The following DYNC1I1 variants were observed in gnomAD, a reference collection of about 807,000 sequenced individuals.
The protein encoded by DYNC1I1 is cytoplasmic dynein 1 intermediate chain 1.
A neutral mutation model predicts 86.6 loss-of-function variants in DYNC1I1; 43 were observed. The ratio of observed to expected loss-of-function variants is 0.50; its 90% CI spans 0.39 to 0.64. The LOEUF (loss-of-function observed/expected upper bound fraction) is 0.64. Ranked by LOEUF, DYNC1I1 falls within the 30% of genes least tolerant of loss-of-function variation. The pLI, the probability that DYNC1I1 is intolerant of heterozygous loss-of-function variation, is 0.00. For synonymous variants in DYNC1I1, 262 were observed against 283.7 expected (o/e 0.92, Z 0.77); for missense variants, 604 against 788.8 (o/e 0.77, Z 2.81).
chr7:95,805,703 T>C (rs549750716), intron 2 of DYNC1I1, among the ~76,000 whole-genome samples: 1 of 152,300 alleles, frequency 6.6e-6, no homozygotes, highest in East Asian at 1.9e-4. Context: ...AGCCCACATC[T>C]TATACAAAAA....
At chr7:95,775,654 G>A (rs550922257) in intron 1 of DYNC1I1, among the ~76,000 whole-genome samples, 1 of 152,264 alleles carries the variant, frequency 6.6e-6, no homozygotes, top group African/African-American at 2.4e-5. Flanking sequence ...TAGACCCATG[G>A]CCCCTTAAAA....
At chr7:95,966,316 T>C (rs1321488266) in intron 6 of DYNC1I1, among the ~76,000 whole-genome samples, 1 of 152,194 alleles carries the variant, frequency 6.6e-6, no homozygotes, top group Non-Finnish European at 1.5e-5. Context: ...ATATGGTCAT[T>C]TTACTGATAG....
intron 10 of DYNC1I1, among the ~76,000 whole-genome samples, chr7:96,020,242 G>A (rs1034499800): frequency 2.6e-4 from 39 of 152,148 alleles, no homozygotes; most frequent in Non-Finnish European, 3.7e-4. Flanking sequence ...ACATACCCGA[G>A]ACTGGGAAAT....
chr7:95,785,775 G>GTGTA (rs1317168531), intron 1 of DYNC1I1, among the ~76,000 whole-genome samples: 30 of 124,888 alleles, frequency 2.4e-4, no homozygotes, highest in Admixed American at 1.0e-3. Context: ...GTGTGTATGT[G>GTGTA]TATATATATA....
At chr7:95,785,775 G>GTATGTA (rs55666459) in intron 1 of DYNC1I1, among the ~76,000 whole-genome samples, 2,143 of 123,792 alleles carry the variant, frequency 0.017, 24 homozygotes, top group Middle Eastern at 0.044. Context: ...GTGTGTATGT[G>GTATGTA]TATATATATA....
chr7:95,784,515 G>A (rs527561045), intron 1 of DYNC1I1, among the ~76,000 whole-genome samples: 2 of 152,278 alleles, frequency 1.3e-5, no homozygotes, highest in African/African-American at 4.8e-5. Flanking sequence ...CTCCTTGAAT[G>A]CAAAGTGGGG....
intron 6 of DYNC1I1, among the ~76,000 whole-genome samples, chr7:95,892,522 A>G (rs1790770860): frequency 6.6e-6 from 1 of 152,138 alleles, no homozygotes; most frequent in Non-Finnish European, 1.5e-5. Context: ...TGTGTAAGCC[A>G]GGATGGTCTC....
rs537273788 is a variant in DYNC1I1 at position 96,004,670 on chromosome 7, A to T, written c.969+8597A>T. On this transcript the variant is annotated intron_variant, in intron 10 of 16. Transcript: ENST00000447467. Reference sequence around the variant, plus strand: ...TGCACACACACACACACACACACACACACACACAACCAAGACTCTCAAATC... The same window carrying T: ...TGCACACACACACACACACACACACTCACACACAACCAAGACTCTCAAATC... Among the ~76,000 whole-genome samples, 1,069 of 152,126 alleles carry T rather than the reference A, an allele frequency of 7.0e-3. 7 individuals are homozygous for T. The highest frequency in any genetic ancestry group is 0.011 in the Non-Finnish European group (778 of 68,002).
At chr7:96,091,048 G>A (rs1790827792) in intron 16 of DYNC1I1, among the ~76,000 whole-genome samples, 1 of 152,006 alleles carries the variant, frequency 6.6e-6, no homozygotes, top group African/African-American at 2.4e-5. Context: ...CTGTGTGTGT[G>A]GTAAAGGGAA....
intron 10 of DYNC1I1, among the ~76,000 whole-genome samples, chr7:96,016,304 T>C (rs1794400951): frequency 6.9e-6 from 1 of 144,920 alleles, no homozygotes; most frequent in African/African-American, 2.5e-5. Context: ...CACTTTAGGT[T>C]TTTTTTTTTT....
chr7:95,937,836 G>A (rs1255777310), intron 6 of DYNC1I1, among the ~76,000 whole-genome samples: 1 of 151,870 alleles, frequency 6.6e-6, no homozygotes, highest in African/African-American at 2.4e-5. Context: ...CAAGAAGAAA[G>A]TTTACAACCA....
chr7:96,076,239 G>C (rs1282751908), intron 15 of DYNC1I1, 42 bp downstream of exon 15: 3 of 1,606,956 alleles, frequency 1.9e-6, no homozygotes, highest in Non-Finnish European at 2.6e-6. Flanking sequence ...GGCTGGGAGG[G>C]GGGCGCAGTC....
At chr7:95,895,325 A>G (rs1790853571) in intron 6 of DYNC1I1, among the ~76,000 whole-genome samples, 1 of 152,192 alleles carries the variant, frequency 6.6e-6, no homozygotes, top group Non-Finnish European at 1.5e-5. Flanking sequence ...CTCACGAGGC[A>G]CCCATTTATC....
intron 6 of DYNC1I1, among the ~76,000 whole-genome samples, chr7:95,975,698 GT>G (rs1252789763): frequency 6.6e-6 from 1 of 152,272 alleles, no homozygotes; most frequent in East Asian, 1.9e-4. Flanking sequence ...TATCACCTTT[GT>G]TTTTTGTTGT....
chr7:95,783,871 T>C (rs1169950554), intron 1 of DYNC1I1, among the ~76,000 whole-genome samples: 1 of 152,260 alleles, frequency 6.6e-6, no homozygotes, highest in African/African-American at 2.4e-5. Context: ...TTTCTTCATC[T>C]GTAAAACAGG....
intron 6 of DYNC1I1, among the ~76,000 whole-genome samples, chr7:95,891,951 T>A (rs1300467050): frequency 7.9e-6 from 1 of 125,874 alleles, no homozygotes; most frequent in Non-Finnish European, 1.7e-5. Context: ...TAAGTTCTGG[T>A]AAATTTTGTT....
At chr7:96,096,945 C>G (rs1791028325) in intron 16 of DYNC1I1, among the ~76,000 whole-genome samples, 3 of 152,086 alleles carry the variant, frequency 2.0e-5, no homozygotes, top group Admixed American at 2.0e-4. Context: ...TACTACTATT[C>G]ATAGTTATCA....
intron 16 of DYNC1I1, among the ~76,000 whole-genome samples, chr7:96,094,877 T>C (rs961798278): frequency 6.6e-6 from 1 of 152,118 alleles, no homozygotes; most frequent in African/African-American, 2.4e-5. Context: ...AAAATAAATA[T>C]TTCTGTGAAA....
intron 4 of DYNC1I1, 63 bp downstream of exon 4, chr7:95,813,400 C>T: frequency 7.1e-7 from 1 of 1,408,756 alleles, no homozygotes. Flanking sequence ...AAAACAGCAA[C>T]AACACCACTG....
Sources: allele counts gnomAD v4.1 joint callset (sites outside exome capture counted in the v4.1 genomes callset), GRCh38; gene constraint gnomAD v4.1.1; transcripts MANE v1.5; gene names NCBI Gene and HGNC (gene_info 2026-07-23, HGNC 2026-07-21).